COL14A1: variants seen among roughly 807,000 people sequenced by gnomAD.
The protein encoded by COL14A1 is collagen type XIV alpha 1 chain.
COL14A1 carries 136 observed loss-of-function variants against 230.3 expected under a neutral mutation model. The observed-to-expected ratio is 0.59, with a 90% CI of 0.51 to 0.68. The LOEUF (loss-of-function observed/expected upper bound fraction) is 0.68, where lower values mean the gene tolerates loss of function less well. Among genes scored for constraint, COL14A1 ranks in the 30% least tolerant of loss-of-function variants. The pLI, the probability that COL14A1 is intolerant of heterozygous loss-of-function variation, is 0.00. For missense variants in COL14A1, 1,976 were observed against 2,215.8 expected (o/e 0.89, Z 2.17); for synonymous variants, 792 against 784.1 (o/e 1.01, Z -0.17).
intron 1 of COL14A1, among the ~76,000 whole-genome samples, chr8:120,137,622 C>A (rs1482515849): frequency 2.0e-5 from 3 of 152,054 alleles, no homozygotes; most frequent in Non-Finnish European, 2.9e-5. Context: ...TCTTTAGCTG[C>A]ATTCCACAAA....
intron 23 of COL14A1, among the ~76,000 whole-genome samples, chr8:120,262,010 C>G (rs572185470): frequency 7.2e-4 from 110 of 152,228 alleles, no homozygotes; most frequent in Admixed American, 1.3e-3. Flanking sequence ...CAACCTGGAC[C>G]CATGGACCAG....
intron 45 of COL14A1, among the ~76,000 whole-genome samples, chr8:120,364,344 C>T (rs1010259989): frequency 1.3e-5 from 2 of 152,150 alleles, no homozygotes; most frequent in Non-Finnish European, 2.9e-5. Flanking sequence ...CCAGGCTTAT[C>T]AAAAATATAT....
At chr8:120,327,511 A>G (rs1308001051) in intron 40 of COL14A1, among the ~76,000 whole-genome samples, 1 of 152,130 alleles carries the variant, frequency 6.6e-6, no homozygotes, top group Non-Finnish European at 1.5e-5. Context: ...TCAAATACAC[A>G]AGGATCTGGG....
At chr8:120,334,230 G>A (rs1464189433) in intron 42 of COL14A1, among the ~76,000 whole-genome samples, 2 of 152,122 alleles carry the variant, frequency 1.3e-5, no homozygotes, top group Non-Finnish European at 2.9e-5. Context: ...CATGATTCAT[G>A]TGAGGCATAT....
intron 45 of COL14A1, among the ~76,000 whole-genome samples, chr8:120,355,976 C>T (rs1169549805): frequency 6.6e-6 from 1 of 152,140 alleles, no homozygotes; most frequent in Non-Finnish European, 1.5e-5. Flanking sequence ...TTATTAGGCT[C>T]CAATTGCATC....
rs532467146 is a variant in COL14A1 at position 120,206,624 on chromosome 8, C to T, written c.1040-319C>T. ...TCGGCCTCCCAAAGTGTTGGGATTACAGGCATGAACCACTGTGCCTGGCTG... is the reference window on the plus strand; with the variant it reads ...TCGGCCTCCCAAAGTGTTGGGATTATAGGCATGAACCACTGTGCCTGGCTG... On this transcript the variant is annotated intron_variant, in intron 9 of 47. Coordinates refer to ENST00000297848, the MANE Select transcript of COL14A1 (RefSeq NM_021110.4). 2.6e-5 allele frequency among the ~76,000 whole-genome samples: 4 copies of T among 152,348 alleles called. No homozygotes were observed. In the South Asian group the frequency reaches 8.3e-4, roughly 32 times the overall value.
chr8:120,198,179 C>T lies in COL14A1; in HGVS notation c.712+249C>T, dbSNP rs1015668424. 1.8e-4 allele frequency among the ~76,000 whole-genome samples: 27 copies of T among 152,220 alleles called. 2 individuals carry two copies. Among genetic ancestry groups the T allele is most frequent in the Admixed American group, 1.5e-3 (23 of 15,286 alleles). On this transcript the variant is annotated intron_variant, in intron 7 of 47. Transcript: ENST00000297848. ...GAGAAAATGAAGCAAGCCCTGAGAC[C>T]AACAGAGTGGAGTAGCTGTCTAACT...
intron 45 of COL14A1, among the ~76,000 whole-genome samples, chr8:120,364,438 T>A (rs1181871747): frequency 6.6e-6 from 1 of 152,228 alleles, no homozygotes; most frequent in Non-Finnish European, 1.5e-5. Context: ...TACTGATTTT[T>A]AACAAGGTTG....
chr8:120,314,116 A>T, intron 38 of COL14A1, 89 bp downstream of exon 38: 2 of 926,362 alleles, frequency 2.2e-6, no homozygotes, highest in Non-Finnish European at 3.3e-6. Context: ...TCTGTGTCTT[A>T]ATAATGAACC....
intron 36 of COL14A1, among the ~76,000 whole-genome samples, 176 bp from the exon 37 acceptor site, chr8:120,309,833 C>T (rs753879652): frequency 1.3e-5 from 2 of 152,066 alleles, no homozygotes; most frequent in Non-Finnish European, 2.9e-5. Context: ...TCGTCTGCAG[C>T]GCTGGGGCTG....
At chr8:120,282,851 G>A (rs985659978) in intron 31 of COL14A1, among the ~76,000 whole-genome samples, 11 of 152,030 alleles carry the variant, frequency 7.2e-5, no homozygotes, top group Admixed American at 2.6e-4. Context: ...CTCATGGAAG[G>A]GAACAGCAGG....
intron 13 of COL14A1, among the ~76,000 whole-genome samples, chr8:120,214,953 T>G (rs540113959): frequency 1.3e-5 from 2 of 152,284 alleles, no homozygotes; most frequent in East Asian, 1.9e-4. Flanking sequence ...AGAAGGCAAG[T>G]GCAGTGGCCT....
intron 18 of COL14A1, 71 bp from the exon 19 acceptor site, chr8:120,231,396 G>A: frequency 1.3e-6 from 2 of 1,482,538 alleles, no homozygotes; most frequent in African/African-American, 1.4e-5. Flanking sequence ...CACCCCACAG[G>A]TATTCTCTGT....
rs566833390 is a variant in COL14A1, at chr8:120,347,697, A to G, written c.5077+2134A>G. ...TCTCATTTTCTATAAAAGGAAGCATATGAAGATATTGAAGTAAGGCCAAAA... is the reference window on the plus strand; with the variant it reads ...TCTCATTTTCTATAAAAGGAAGCATGTGAAGATATTGAAGTAAGGCCAAAA... On this transcript the variant is annotated intron_variant, in intron 45 of 47. Transcript: ENST00000297848. Among the ~76,000 whole-genome samples the G allele has an allele frequency of 2.0e-4, 30 of 152,350 alleles. 2 individuals carry two copies. In the South Asian group the frequency reaches 6.0e-3, roughly 30 times the overall value.
At chr8:120,265,530 C>T (rs1471179541) in intron 24 of COL14A1, among the ~76,000 whole-genome samples, 1 of 151,476 alleles carries the variant, frequency 6.6e-6, no homozygotes, top group Non-Finnish European at 1.5e-5. Context: ...TGTCAACCTC[C>T]CTCTTTCCTT....
At chr8:120,160,327 G>T (rs1435687890) in intron 3 of COL14A1, among the ~76,000 whole-genome samples, 2 of 152,068 alleles carry the variant, frequency 1.3e-5, no homozygotes, top group Non-Finnish European at 2.9e-5. Flanking sequence ...ATCTGGAAAG[G>T]TAATTTTTTT....
intron 1 of COL14A1, among the ~76,000 whole-genome samples, chr8:120,142,758 AT>A (rs1814954863): frequency 6.6e-6 from 1 of 152,214 alleles, no homozygotes; most frequent in South Asian, 2.1e-4. Context: ...GAATATTTGT[AT>A]AATGATCAAA....
rs117783039 is a variant in COL14A1, at chr8:120,298,052, G to A, written c.4314+464G>A. 1.4e-4 allele frequency among the ~76,000 whole-genome samples: 22 copies of A among 152,042 alleles called. 2 individuals carry two copies. The East Asian group carries it at 4.3e-3, about 29-fold the overall frequency. On this transcript the variant is annotated intron_variant, in intron 35 of 47. Transcript: ENST00000297848. ...TAAATGACCAAAATTGCTTATTGTT[G>A]GGATGTGTGTGCTACCTGAGCCCTG...
rs923066192 is a variant in COL14A1, at chr8:120,306,123, T to C, written c.4402-3886T>C. Among the ~76,000 whole-genome samples the C allele has an allele frequency of 2.6e-5, 4 of 152,294 alleles. No individual in the cohort carries two copies. The East Asian group carries it at 7.7e-4, about 29-fold the overall frequency. On this transcript the variant is annotated intron_variant, in intron 36 of 47. Transcript: ENST00000297848. ...TTCCTGAAGGCAGTTTCAGTTCACA[T>C]GTATACTATAGTTTTTTATTGTTTC... is the stretch of plus-strand genomic sequence containing the variant.
Sources: allele counts gnomAD v4.1 joint callset (sites outside exome capture counted in the v4.1 genomes callset), GRCh38; gene constraint gnomAD v4.1.1; transcripts MANE v1.5; gene names NCBI Gene and HGNC (gene_info 2026-07-23, HGNC 2026-07-21).